PCDHGA8: variants seen among roughly 807,000 people sequenced by gnomAD.
The protein encoded by PCDHGA8 is protocadherin gamma-A8.
In PCDHGA8, 45 loss-of-function variants were observed where a neutral mutation model predicts 59.2. That is an observed-to-expected ratio of 0.76 (90% confidence interval 0.60 to 0.98). PCDHGA8 has a LOEUF of 0.98. PCDHGA8 is among the 50% of genes least tolerant of loss of function. The pLI, the probability that PCDHGA8 is intolerant of heterozygous loss-of-function variation, is 0.00. For missense variants in PCDHGA8, 1,257 were observed against 1,196.2 expected (o/e 1.05, Z -0.75); for synonymous variants, 531 against 519.0 (o/e 1.02, Z -0.32).
In PCDHGA8 at chr5:141,409,379, A is replaced by G. The variant is rs376174246; in HGVS notation, c.2424+14142A>G. On this transcript the variant is annotated intron_variant, in intron 1 of 3. Transcript: ENST00000398604. ...TAATATAGAAACAGACATTCCATTC[A>G]AGATTTATTCTTCTTCCAATAACTA... is the stretch of plus-strand genomic sequence containing the variant. The G allele has an allele frequency of 1.5e-5, 25 of 1,613,926 alleles. No homozygotes were observed. The highest frequency in any genetic ancestry group is 2.0e-5 in the Non-Finnish European group (24 of 1,179,908).
At chr5:141,413,383 A>G in intron 1 of PCDHGA8, 1 of 1,613,998 alleles carries the variant, frequency 6.2e-7, no homozygotes, top group Non-Finnish European at 8.5e-7. Context: ...CGGAGTCCGC[A>G]TAGTCTCCAG....
At chr5:141,406,515 T>C (rs2094818414) in intron 1 of PCDHGA8, among the ~76,000 whole-genome samples, 1 of 152,234 alleles carries the variant, frequency 6.6e-6, no homozygotes, top group Non-Finnish European at 1.5e-5. Context: ...TGTTTGTGTT[T>C]ACAGATATTT....
chr5:141,508,741 C>G (rs2099871426), intron 3 of PCDHGA8, among the ~76,000 whole-genome samples: 1 of 152,042 alleles, frequency 6.6e-6, no homozygotes, highest in Non-Finnish European at 1.5e-5. Context: ...ACCCCCCACC[C>G]CGCTCTTTCT....
At chr5:141,420,692 A>G (rs2096518268) in intron 1 of PCDHGA8, among the ~76,000 whole-genome samples, 1 of 152,228 alleles carries the variant, frequency 6.6e-6, no homozygotes, top group Admixed American at 6.5e-5. Context: ...GGACCGTATT[A>G]TTTCCACTTC....
At chr5:141,418,794 TAGAA>T in intron 1 of PCDHGA8, 1 of 1,613,706 alleles carries the variant, frequency 6.2e-7, no homozygotes, top group South Asian at 1.1e-5. Flanking sequence ...TTTGAAGAAG[TAGAA>T]AGATATACGA....
chr5:141,508,269 C>G (rs1459186158), intron 3 of PCDHGA8: 1 of 152,186 alleles, frequency 6.6e-6, no homozygotes, highest in Non-Finnish European at 1.5e-5. Flanking sequence ...GAGAAAATCC[C>G]GGTCCTTGAC....
intron 1 of PCDHGA8, chr5:141,409,838 G>A: frequency 1.2e-6 from 2 of 1,611,532 alleles, no homozygotes; most frequent in Non-Finnish European, 1.7e-6. Context: ...CAGCGCCAAC[G>A]TGAGCCTGCG....
At chr5:141,448,654 A>G (rs966383140) in intron 1 of PCDHGA8, among the ~76,000 whole-genome samples, 1 of 152,048 alleles carries the variant, frequency 6.6e-6, no homozygotes, top group African/African-American at 2.4e-5. Context: ...AAATATTTCC[A>G]TATTGGCCGG....
chr5:141,418,688 A>C, intron 1 of PCDHGA8: 2 of 1,614,032 alleles, frequency 1.2e-6, no homozygotes, highest in Non-Finnish European at 1.7e-6. Flanking sequence ...CAACTCAGAG[A>C]TCACTTATTC....
Position 141,394,532 on chromosome 5 carries a change from T to A in PCDHGA8, c.1719T>A (p.Thr573=), listed in dbSNP as rs1259695027. The part of the protein sequence containing the change: ...LYPALPTDGS[T]GVELAPRSAE... Reference sequence around the variant, plus strand: ...CCGCCCTCCCCACAGACGGTTCCACTGGCGTGGAGCTGGCGCCCCGCTCCG... The same window carrying A: ...CCGCCCTCCCCACAGACGGTTCCACAGGCGTGGAGCTGGCGCCCCGCTCCG... The change falls in exon 1 of 4, where the codon ACT becomes ACA. Residue 573 remains threonine (T), a synonymous_variant. Coordinates refer to ENST00000398604, the MANE Select transcript of PCDHGA8 (RefSeq NM_032088.2). 3 of 1,614,070 alleles carry A rather than the reference T, an allele frequency of 1.9e-6. No individual in the cohort carries two copies. Among genetic ancestry groups the A allele is most frequent in the African/African-American group, 2.7e-5 (2 of 74,958 alleles).
At chr5:141,460,961 ATGTGTG>A (rs35821115) in intron 1 of PCDHGA8, among the ~76,000 whole-genome samples, 6 of 144,616 alleles carry the variant, frequency 4.1e-5, no homozygotes, top group South Asian at 4.4e-4. Flanking sequence ...GTATATATAT[ATGTGTG>A]TGTGTGTGTG....
At position 141,430,859 on chromosome 5, in the gene PCDHGA8, T is replaced by G. The variant is rs770543752; in HGVS notation, c.2424+35622T>G. The stretch of plus-strand genomic sequence containing the variant: ...GACCGGATGCACCCAGATACGCTAT[T>G]CAGTTCCGGAAGAGCTGGAGAAAGG... On this transcript the variant is annotated intron_variant, in intron 1 of 3. Transcript: ENST00000398604. 5.0e-6 allele frequency: 8 copies of G among 1,592,398 alleles called. No homozygotes were observed. The East Asian group carries it at 1.6e-4, about 31-fold the overall frequency.
intron 1 of PCDHGA8, among the ~76,000 whole-genome samples, chr5:141,447,688 G>A (rs188511217): frequency 1.4e-4 from 22 of 152,258 alleles, no homozygotes; most frequent in African/African-American, 4.3e-4. Context: ...TATCTTGATA[G>A]AGGGATGGGT....
At chr5:141,499,570 A>C (rs1027373056) in intron 2 of PCDHGA8, among the ~76,000 whole-genome samples, 2 of 152,200 alleles carry the variant, frequency 1.3e-5, no homozygotes, top group Non-Finnish European at 2.9e-5. Flanking sequence ...TCCAGCTTCA[A>C]CTAATGCCTT....
chr5:141,419,285 G>A, intron 1 of PCDHGA8: 2 of 1,614,028 alleles, frequency 1.2e-6, no homozygotes, highest in East Asian at 4.5e-5. Context: ...GCAAGTCAGT[G>A]CCTCTGACCC....
At chr5:141,399,378 C>T (rs368139061) in intron 1 of PCDHGA8, 1,186 of 1,613,874 alleles carry the variant, frequency 7.3e-4, no homozygotes, top group Non-Finnish European at 9.6e-4. Flanking sequence ...ACAATGTCAC[C>T]ATCACAGCCA....
intron 1 of PCDHGA8, chr5:141,419,253 A>C (rs1590154657): frequency 6.2e-7 from 1 of 1,613,990 alleles, no homozygotes; most frequent in South Asian, 1.1e-5. Context: ...CCAGAAAACA[A>C]CCAGCCGGGT....
chr5:141,487,275 G>T lies in PCDHGA8; in HGVS notation c.2425-7532G>T, dbSNP rs747253888. 2.5e-6 allele frequency: 4 copies of T among 1,614,158 alleles called. No homozygotes were observed. The highest frequency in any genetic ancestry group is 1.1e-5 in the South Asian group (1 of 91,074). On this transcript the variant is annotated intron_variant, in intron 1 of 3. Coordinates refer to ENST00000398604, the MANE Select transcript of PCDHGA8 (RefSeq NM_032088.2). The surrounding 1 kb of genome is among the most constrained non-coding windows in gnomAD (Gnocchi z 5.0). ...TTGGCTGTGTCCCTAGTGGCAATTT[G>T]CTTTGTCTCCTTTGGCTCATTCGTG...
chr5:141,509,155 C>G (rs981661695), intron 3 of PCDHGA8, among the ~76,000 whole-genome samples: 3 of 152,202 alleles, frequency 2.0e-5, no homozygotes, highest in Non-Finnish European at 4.4e-5. Flanking sequence ...GCTCTCCCCT[C>G]CCGTGTGCCC....
Sources: allele counts gnomAD v4.1 joint callset (sites outside exome capture counted in the v4.1 genomes callset), GRCh38; gene constraint gnomAD v4.1.1; non-coding constraint Gnocchi (gnomAD v3.1); transcripts MANE v1.5; gene names NCBI Gene and HGNC (gene_info 2026-07-23, HGNC 2026-07-21).